ABHD18: variants seen among roughly 807,000 people sequenced by gnomAD.
The protein encoded by ABHD18 is abhydrolase domain containing 18, also known as cardiolipin-specific deacylase, mitochondrial.
In ABHD18, 55 loss-of-function variants were observed where a neutral mutation model predicts 65.9. The ratio of observed to expected loss-of-function variants is 0.84; its 90% CI spans 0.67 to 1.05. The LOEUF (loss-of-function observed/expected upper bound fraction) is 1.05. Among genes scored for constraint, ABHD18 ranks in the 50% least tolerant of loss-of-function variants. ABHD18 has a pLI of 0.00. For synonymous variants in ABHD18, 181 were observed against 180.2 expected (o/e 1.00, Z -0.04); for missense variants, 533 against 558.5 (o/e 0.95, Z 0.46).
At position 128,011,717 on chromosome 4, in the gene ABHD18, T is replaced by C; in HGVS notation, c.470+17T>C. On this transcript the variant is annotated intron_variant, in intron 7 of 12. Transcript: ENST00000645843. ...GGACCAAGTGTAAGTATATATCACT[T>C]TCATTTTTGCAGTCTTTTTACCCAA... The C allele has an allele frequency of 6.5e-7, 1 of 1,533,408 alleles. No homozygotes were observed. The highest frequency in any genetic ancestry group is 8.8e-7 in the Non-Finnish European group (1 of 1,138,774). 95.0% of individuals were successfully genotyped at this position (1,533,408 alleles called of 1,614,324 possible). A position where few individuals can be genotyped will look rare whatever the true frequency, so the allele number is the denominator to read the frequency against.
At chr4:128,014,150 A>AG (rs1755077650) in intron 7 of ABHD18, among the ~76,000 whole-genome samples, 1 of 151,608 alleles carries the variant, frequency 6.6e-6, no homozygotes, top group Non-Finnish European at 1.5e-5. Flanking sequence ...CGCCCAGCTA[A>AG]TTTTGTATTT....
intron 4 of ABHD18, among the ~76,000 whole-genome samples, chr4:127,993,713 A>G (rs1311219557): frequency 6.6e-6 from 1 of 152,178 alleles, no homozygotes; most frequent in Non-Finnish European, 1.5e-5. Flanking sequence ...GTTGGTTATC[A>G]TTAATGGCTC....
chr4:127,966,168 A>G (rs1304607682), intron 1 of ABHD18: 1 of 152,180 alleles, frequency 6.6e-6, no homozygotes, highest in Non-Finnish European at 1.5e-5. Flanking sequence ...CTTGGTGGTT[A>G]TGTATTAACA....
At chr4:127,971,206 A>T (rs546458751) in intron 1 of ABHD18, among the ~76,000 whole-genome samples, 81 of 147,990 alleles carry the variant, frequency 5.5e-4, no homozygotes, top group Non-Finnish European at 9.8e-4. Flanking sequence ...GTAAGCCATG[A>T]TTGCCCCACT....
intron 4 of ABHD18, among the ~76,000 whole-genome samples, chr4:127,991,294 G>A (rs2149089652): frequency 6.6e-6 from 1 of 152,236 alleles, no homozygotes; most frequent in South Asian, 2.1e-4. Flanking sequence ...GGAGAGCAGT[G>A]GTGCTCACTG....
At position 128,021,166 on chromosome 4, in the gene ABHD18, G is replaced by T. The variant is rs538053877; in HGVS notation, c.729G>T (p.Arg243Ser). Residue 243 changes from arginine (R) to serine (S), a missense_variant, in exon 10 of 13, where the codon AGG (arginine) becomes AGT (serine). Physicochemically the swap from Arg to Ser is moderately radical, Grantham distance 110. Transcript: ENST00000645843. Reference protein sequence around the residue: ...TGVLSKSINWRELEKQYYTQT... With the variant: ...TGVLSKSINWSELEKQYYTQT... ...TGTTGAGTAAATCAATTAATTGGAGGGAGCTGGAAAAGCAATATTATACCC... is the reference window on the plus strand; with the variant it reads ...TGTTGAGTAAATCAATTAATTGGAGTGAGCTGGAAAAGCAATATTATACCC... 1 of 1,547,944 alleles carries T rather than the reference G, an allele frequency of 6.5e-7. No individual in the cohort carries two copies. Among genetic ancestry groups the T allele is most frequent in the Non-Finnish European group, 8.7e-7 (1 of 1,144,812 alleles).
intron 8 of ABHD18, among the ~76,000 whole-genome samples, chr4:128,018,254 C>T (rs1205348290): frequency 2.0e-5 from 3 of 152,112 alleles, no homozygotes; most frequent in Non-Finnish European, 4.4e-5. Flanking sequence ...ATATTGAGGG[C>T]CAGGAATATG....
At chr4:127,996,885 T>G (rs932219773) in intron 4 of ABHD18, among the ~76,000 whole-genome samples, 2 of 152,204 alleles carry the variant, frequency 1.3e-5, no homozygotes, top group Non-Finnish European at 2.9e-5. Flanking sequence ...AGTCAGACCT[T>G]ATGGTTATCT....
rs1755690865 is a variant in ABHD18, at chr4:128,017,357, G to A, written c.471-6G>A. 1.2e-6 allele frequency: 2 copies of A among 1,610,050 alleles called. No homozygotes were observed. The highest frequency in any genetic ancestry group is 1.3e-5 in the African/African-American group (1 of 74,854). On this transcript the variant is annotated splice_polypyrimidine_tract_variant and splice_region_variant and intron_variant, in intron 7 of 12. Transcript: ENST00000645843. The stretch of plus-strand genomic sequence containing the variant: ...AATCATTTTCTATTTTGTTTTGTGA[G>A]GCTAGAAGGTCCAGCTTAAAAAATG...
intron 4 of ABHD18, among the ~76,000 whole-genome samples, chr4:127,997,604 G>A (rs1180663945): frequency 3.9e-5 from 6 of 152,136 alleles, no homozygotes; most frequent in Admixed American, 3.9e-4. Context: ...GGAATGTGTA[G>A]TTTGAAACTT....
Position 128,030,523 on chromosome 4 carries a change from A to G in ABHD18, c.1194A>G (p.Pro398=). The G allele has an allele frequency of 6.4e-7, 1 of 1,563,920 alleles. No homozygotes were observed. The highest frequency in any genetic ancestry group is 1.4e-5 in the African/African-American group (1 of 71,820). ...TCCTATACCTAGTCCCAGTTGATCC[A>G]AGCCTCATTATAGTGGTTCAAGCCA... The part of the protein sequence containing the change: ...HVANFSVPVD[P]SLIIVVQAKE... The change falls in exon 12 of 13, where the codon CCA becomes CCG. Residue 398 remains proline (P), a synonymous_variant. Transcript: ENST00000645843.
At chr4:128,011,834 A>T in intron 7 of ABHD18, 134 bp downstream of exon 7, 1 of 524,244 alleles carries the variant, frequency 1.9e-6, no homozygotes, top group Non-Finnish European at 3.3e-6. Context: ...TCTGTTATGA[A>T]ACTGTAGTAT....
chr4:128,012,792 G>C (rs1754792837), intron 7 of ABHD18, among the ~76,000 whole-genome samples: 1 of 151,964 alleles, frequency 6.6e-6, no homozygotes, highest in South Asian at 2.1e-4. Context: ...AGGGCTGGCT[G>C]CAGTGGCTCA....
At chr4:128,009,412 G>A (rs1754165666) in intron 6 of ABHD18, 3 of 327,966 alleles carry the variant, frequency 9.1e-6, no homozygotes, top group African/African-American at 2.1e-5. Flanking sequence ...TAAAGAAATT[G>A]TACTTCCATT....
intron 9 of ABHD18, 22 bp downstream of exon 9, chr4:128,020,191 T>C: frequency 1.3e-6 from 2 of 1,566,160 alleles, no homozygotes; most frequent in African/African-American, 1.4e-5. Context: ...GTAATTAATA[T>C]TAGGTAGCTA....
rs1300764554 is a variant in ABHD18 at position 128,036,038 on chromosome 4, T to C, written c.*225T>C. 2.8e-6 allele frequency: 1 copy of C among 362,424 alleles called. No homozygotes were observed. Among genetic ancestry groups the C allele is most frequent in the Non-Finnish European group, 4.9e-6 (1 of 203,794 alleles). The allele number at this position is 362,424 out of a possible 1,614,324, so 22.5% of individuals were successfully genotyped here. A position where few individuals can be genotyped will look rare whatever the true frequency, so the allele number is the denominator to read the frequency against. ...AATGTTAAAGTGTTTTTACTATTGT[T>C]TATTGGAATCCCATATATTCAGTGT... On this transcript the variant is annotated 3_prime_UTR_variant, in exon 13 of 13. Transcript: ENST00000645843.
chr4:128,001,836 G>GTTTTTTT, intron 4 of ABHD18: 2 of 1,301,114 alleles, frequency 1.5e-6, no homozygotes, highest in Non-Finnish European at 2.0e-6. Context: ...GTTGAGTTTT[G>GTTTTTTT]TTTTGTTTTG....
chr4:127,977,054 A>T (rs1322032259), intron 1 of ABHD18, among the ~76,000 whole-genome samples: 3 of 152,098 alleles, frequency 2.0e-5, no homozygotes, highest in African/African-American at 7.2e-5. Flanking sequence ...GAAAAAAAAA[A>T]CTAATTAAAT....
At position 128,017,388 on chromosome 4, in the gene ABHD18, G is replaced by C. The variant is rs199818126; in HGVS notation, c.496G>C (p.Asp166His). The C allele has an allele frequency of 1.2e-6, 2 of 1,613,624 alleles. No homozygotes were observed. The highest frequency in any genetic ancestry group is 8.5e-7 in the Non-Finnish European group (1 of 1,179,774). The stretch of plus-strand genomic sequence containing the variant: ...AAGGTCCAGCTTAAAAAATGTGTCC[G>C]ACCTTTTTGTGATGGGAGGAGCTCT... ...QVRSSLKNVS[D>H]LFVMGGALVL... is the part of the protein sequence containing the mutation. The change falls in exon 8 of 13, where the codon GAC (aspartate) becomes CAC (histidine). Residue 166 changes from aspartate to histidine, a missense_variant. By Grantham distance (81) the Asp-to-His change is moderately conservative. This residue lies in a region of ABHD18 where 309 missense variants were observed against 313.5 expected (regional missense o/e 0.99). Coordinates refer to ENST00000645843, the MANE Select transcript of ABHD18 (RefSeq NM_001358451.3).
Sources: allele counts gnomAD v4.1 joint callset (sites outside exome capture counted in the v4.1 genomes callset), GRCh38; gene constraint gnomAD v4.1.1; regional missense constraint gnomAD v4.1.1; transcripts MANE v1.5; gene names NCBI Gene and HGNC (gene_info 2026-07-23, HGNC 2026-07-21).